MACROD1: variants seen among roughly 807,000 people sequenced by gnomAD.
The protein encoded by MACROD1 is mono-ADP ribosylhydrolase 1, also known as ADP-ribose glycohydrolase MACROD1.
Under a neutral mutation model 41.4 loss-of-function variants are expected in MACROD1, and 31 were observed. That is an observed-to-expected ratio of 0.75 (90% CI 0.56 to 1.01). The LOEUF is 1.01. Ranked by LOEUF, MACROD1 falls within the 50% of genes least tolerant of loss-of-function variation. MACROD1 has a pLI of 0.00. For missense variants in MACROD1, 473 were observed against 460.0 expected (o/e 1.03, Z -0.26); for synonymous variants, 252 against 203.4 (o/e 1.24, Z -2.03).
rs1371996754 is a variant in MACROD1, at chr11:64,082,768, T to C, written c.518-67487A>G. Among the ~76,000 whole-genome samples the C allele has an allele frequency of 1.3e-5, 2 of 152,112 alleles. No individual in the cohort carries two copies. Among genetic ancestry groups the C allele is most frequent in the South Asian group, 2.1e-4 (1 of 4,826 alleles). ...GAGGGGATTCCTGGGCCTTGGCATTTGGGACCCCTGAAAGTCACCTGCTCC... is the reference window on the plus strand; with the variant it reads ...GAGGGGATTCCTGGGCCTTGGCATTCGGGACCCCTGAAAGTCACCTGCTCC... On this transcript the variant is annotated intron_variant, in intron 3 of 10. Coordinates refer to ENST00000255681, the MANE Select transcript of MACROD1 (RefSeq NM_014067.4). The surrounding 1 kb of genome is among the most constrained non-coding windows in gnomAD (Gnocchi z 4.5).
At position 64,087,759 on chromosome 11, in the gene MACROD1, G is replaced by T. The variant is rs575709080; in HGVS notation, c.517+63480C>A. 2.0e-5 allele frequency among the ~76,000 whole-genome samples: 3 copies of T among 152,372 alleles called. No homozygotes were observed. In the East Asian group the frequency reaches 5.8e-4, roughly 29 times the overall value. ...CCTGTCCACCCAGTACACAGAGCAC[G>T]CTGTGCACGTCTGAATGACCGGAGG... On this transcript the variant is annotated intron_variant, in intron 3 of 10. Coordinates refer to ENST00000255681, the MANE Select transcript of MACROD1 (RefSeq NM_014067.4).
At position 64,096,298 on chromosome 11, in the gene MACROD1, G is replaced by A. The variant is rs571780702; in HGVS notation, c.517+54941C>T. 1.5e-3 allele frequency among the ~76,000 whole-genome samples: 226 copies of A among 152,314 alleles called. No individual in the cohort carries two copies. The highest frequency in any genetic ancestry group is 3.3e-3 in the African/African-American group (139 of 41,580). On this transcript the variant is annotated intron_variant, in intron 3 of 10. Transcript: ENST00000255681. This position sits in a 1 kb window ranked among gnomAD's most constrained non-coding sequence, Gnocchi z 4.6. ...AGAGGTTCCGGCCTTGGCTGGTGGCGCCAGGTTCATCACCCCGAGCTTCCT... is the reference window on the plus strand; with the variant it reads ...AGAGGTTCCGGCCTTGGCTGGTGGCACCAGGTTCATCACCCCGAGCTTCCT...
At chr11:64,039,261 GCTAA>G (rs1397850055) in intron 3 of MACROD1, among the ~76,000 whole-genome samples, 1 of 152,112 alleles carries the variant, frequency 6.6e-6, no homozygotes, top group Non-Finnish European at 1.5e-5. Context: ...TGGCGAGGGT[GCTAA>G]CTGCCTATAG....
chr11:63,999,838 G>A (rs1466039008), intron 5 of MACROD1, 75 bp from the exon 6 acceptor site: 1 of 1,459,250 alleles, frequency 6.9e-7, no homozygotes, highest in Non-Finnish European at 9.2e-7. Flanking sequence ...CTGCCGGCCT[G>A]GGCAGAAGGG....
intron 4 of MACROD1, among the ~76,000 whole-genome samples, chr11:64,002,833 C>CCTTCCCT (rs200042778): frequency 6.6e-6 from 1 of 152,184 alleles, no homozygotes; most frequent in Non-Finnish European, 1.5e-5. Flanking sequence ...AGATGCCCTT[C>CCTTCCCT]CTTCCCTCTT....
At chr11:64,027,390 G>A (rs1389515060) in intron 3 of MACROD1, among the ~76,000 whole-genome samples, 1 of 152,184 alleles carries the variant, frequency 6.6e-6, no homozygotes, top group Non-Finnish European at 1.5e-5. Context: ...CAGGGATGGT[G>A]GTGGCTGAGG....
At chr11:64,105,032 T>C (rs1177962069) in intron 3 of MACROD1, among the ~76,000 whole-genome samples, 1 of 152,242 alleles carries the variant, frequency 6.6e-6, no homozygotes, top group Non-Finnish European at 1.5e-5. Context: ...TGATTTATGA[T>C]TGCACCAGGG....
intron 1 of MACROD1, among the ~76,000 whole-genome samples, chr11:64,154,505 G>A (rs556352137): frequency 2.6e-5 from 4 of 152,054 alleles, no homozygotes; most frequent in African/African-American, 9.6e-5. Flanking sequence ...TCCTTGACCG[G>A]CAGCCATGGA....
chr11:64,015,610 C>T (rs948188457), intron 3 of MACROD1, among the ~76,000 whole-genome samples: 1 of 152,130 alleles, frequency 6.6e-6, no homozygotes, highest in Non-Finnish European at 1.5e-5. Flanking sequence ...ACTGTTTCGC[C>T]CACAGTATCT....
At chr11:64,054,451 A>G (rs1279239787) in intron 3 of MACROD1, among the ~76,000 whole-genome samples, 1 of 152,092 alleles carries the variant, frequency 6.6e-6, no homozygotes, top group Non-Finnish European at 1.5e-5. Flanking sequence ...TTTCCAGTAA[A>G]TATCAACAAA....
chr11:64,076,445 G>A (rs1048202396), intron 3 of MACROD1, among the ~76,000 whole-genome samples: 1 of 151,718 alleles, frequency 6.6e-6, no homozygotes, highest in African/African-American at 2.4e-5. Context: ...TGGATGGATG[G>A]ATGGACGGAT....
At chr11:64,037,068 C>T (rs1176865168) in intron 3 of MACROD1, among the ~76,000 whole-genome samples, 1 of 152,098 alleles carries the variant, frequency 6.6e-6, no homozygotes, top group Non-Finnish European at 1.5e-5. Context: ...AGAATACAGC[C>T]CAGCTGGGGT....
intron 3 of MACROD1, chr11:64,119,010 AG>A (rs1376784257): frequency 6.0e-6 from 1 of 167,160 alleles, no homozygotes; most frequent in African/African-American, 2.4e-5. Context: ...CCCCGGCGGA[AG>A]CCGTAGCTTT....
chr11:64,054,984 C>T (rs1225338097), intron 3 of MACROD1, among the ~76,000 whole-genome samples: 1 of 152,168 alleles, frequency 6.6e-6, no homozygotes, highest in Non-Finnish European at 1.5e-5. Context: ...CAGCCCTTTC[C>T]TACCGCCACT....
At chr11:64,041,104 G>A (rs1943475684) in intron 3 of MACROD1, among the ~76,000 whole-genome samples, 1 of 148,762 alleles carries the variant, frequency 6.7e-6, no homozygotes, top group South Asian at 2.1e-4. Context: ...TCACTCTCCA[G>A]AGGCAGCTCT....
At chr11:64,021,950 GGTGT>G (rs1268826541) in intron 3 of MACROD1, among the ~76,000 whole-genome samples, 3 of 61,010 alleles carry the variant, frequency 4.9e-5, no homozygotes, top group African/African-American at 1.9e-4. Context: ...GGGGGGGGGG[GGTGT>G]GAGGTGGCGG....
At chr11:64,142,483 C>G (rs565529715) in intron 3 of MACROD1, among the ~76,000 whole-genome samples, 1 of 152,166 alleles carries the variant, frequency 6.6e-6, no homozygotes, top group East Asian at 1.9e-4. Context: ...AAGCAGGGGA[C>G]GGGGCGGAAG....
chr11:64,113,477 TATGG>T (rs548042849), intron 3 of MACROD1, among the ~76,000 whole-genome samples: 14 of 102,998 alleles, frequency 1.4e-4, no homozygotes, highest in Admixed American at 9.4e-4. Flanking sequence ...TTGATGCATA[TATGG>T]ATGGATGGAT....
intron 3 of MACROD1, among the ~76,000 whole-genome samples, chr11:64,128,342 A>G (rs1277153768): frequency 3.3e-5 from 5 of 152,190 alleles, no homozygotes. Flanking sequence ...TCAGCCAGCC[A>G]GCCAGCCAGG....
Sources: allele counts gnomAD v4.1 joint callset (sites outside exome capture counted in the v4.1 genomes callset), GRCh38; gene constraint gnomAD v4.1.1; non-coding constraint Gnocchi (gnomAD v3.1); transcripts MANE v1.5; gene names NCBI Gene and HGNC (gene_info 2026-07-23, HGNC 2026-07-21).